Variants in SCN11A observed in about 807,000 individuals in gnomAD.
SCN11A encodes sodium channel protein type 11 subunit alpha.
A neutral mutation model predicts 162.2 loss-of-function variants in SCN11A; 122 were observed. The observed-to-expected ratio is 0.75, with a 90% CI of 0.65 to 0.87. SCN11A has a LOEUF of 0.87. Among genes scored for constraint, SCN11A ranks in the 40% least tolerant of loss-of-function variants. The pLI is 0.00. For missense variants in SCN11A, 2,015 were observed against 2,181.6 expected, an observed-to-expected ratio of 0.92 and a Z score of 1.52; for synonymous variants, 758 against 751.5, an observed-to-expected ratio of 1.01 and a Z score of -0.14.
chr3:38,956,424 C>T (rs985347971), intron 3 of SCN11A, among the ~76,000 whole-genome samples: 10 of 152,208 alleles, frequency 6.6e-5, no homozygotes, highest in African/African-American at 2.2e-4. Flanking sequence ...CAAAATAAGA[C>T]GTACTTCAAA....
intron 17 of SCN11A, 152 bp downstream of exon 17, chr3:38,899,742 A>T: frequency 1.6e-6 from 1 of 626,042 alleles, no homozygotes; most frequent in Non-Finnish European, 2.8e-6. Flanking sequence ...CAAGACTATT[A>T]AAGACCTGTG....
At chr3:38,981,822 T>C (rs959137945) in intron 2 of SCN11A, among the ~76,000 whole-genome samples, 1 of 151,662 alleles carries the variant, frequency 6.6e-6, no homozygotes, top group African/African-American at 2.4e-5. Flanking sequence ...CTGGCCAACA[T>C]AGCAAAATCC....
chr3:38,857,036 A>C (rs1281445522), intron 28 of SCN11A, among the ~76,000 whole-genome samples: 1 of 152,246 alleles, frequency 6.6e-6, no homozygotes, highest in Non-Finnish European at 1.5e-5. Flanking sequence ...ATTTTAAGTA[A>C]TAGTCTACCC....
At chr3:39,033,165 A>G (rs902284039) in intron 1 of SCN11A, among the ~76,000 whole-genome samples, 44 of 151,308 alleles carry the variant, frequency 2.9e-4, no homozygotes, top group Admixed American at 2.2e-3. Flanking sequence ...AAAAAAAAAA[A>G]AGAGAGAGAG....
At chr3:38,906,925 G>A (rs571007729) in intron 14 of SCN11A, among the ~76,000 whole-genome samples, 10 of 152,110 alleles carry the variant, frequency 6.6e-5, no homozygotes, top group East Asian at 5.9e-4. Context: ...ATGCATGAGC[G>A]TGCGTGCACG....
chr3:38,977,672 T>G (rs996022019), intron 2 of SCN11A, among the ~76,000 whole-genome samples: 4 of 152,322 alleles, frequency 2.6e-5, no homozygotes, highest in Admixed American at 6.5e-5. Flanking sequence ...CATTTCCCAC[T>G]GATACCCAAA....
intron 2 of SCN11A, among the ~76,000 whole-genome samples, chr3:38,985,984 TG>T (rs2030226329): frequency 6.6e-6 from 1 of 151,038 alleles, no homozygotes; most frequent in African/African-American, 2.5e-5. Flanking sequence ...TGGCCATTGG[TG>T]GGAAACTGCC....
chr3:38,905,075 A>C (rs538629508), intron 15 of SCN11A, 117 bp downstream of exon 15: 57 of 1,295,376 alleles, frequency 4.4e-5, no homozygotes, highest in Middle Eastern at 2.6e-4. Flanking sequence ...AGGATGGTAC[A>C]GTGGGTTGGT....
At chr3:39,048,338 C>A (rs1193925272) in intron 1 of SCN11A, among the ~76,000 whole-genome samples, 1 of 152,008 alleles carries the variant, frequency 6.6e-6, no homozygotes, top group Non-Finnish European at 1.5e-5. Flanking sequence ...AAGTAGAGAA[C>A]AGAATAGTGG....
chr3:39,017,916 T>C (rs753585488), intron 2 of SCN11A, among the ~76,000 whole-genome samples: 35 of 152,232 alleles, frequency 2.3e-4, no homozygotes, highest in Non-Finnish European at 4.3e-4. Flanking sequence ...TATAGTGAAA[T>C]TTACTTGTTA....
chr3:38,848,965 C>T lies in SCN11A; in HGVS notation c.4328-1223G>A, dbSNP rs562801004. 1.3e-4 allele frequency among the ~76,000 whole-genome samples: 20 copies of T among 152,268 alleles called. No homozygotes were observed. In the South Asian group the frequency reaches 4.2e-3, roughly 32 times the overall value. On this transcript the variant is annotated intron_variant, in intron 29 of 29. Transcript: ENST00000302328. ...TTGGCAAAGGCATATAAAACTCTGT[C>T]CACATTAGTAAGTAGGATTAATATA...
intron 9 of SCN11A, among the ~76,000 whole-genome samples, chr3:38,923,336 G>T (rs2066083923): frequency 6.6e-6 from 1 of 152,080 alleles, no homozygotes; most frequent in Admixed American, 6.5e-5. Context: ...ATAGACCCTT[G>T]ATTCCTGAAA....
chr3:38,987,629 C>G (rs1302248706), intron 2 of SCN11A, among the ~76,000 whole-genome samples: 1 of 152,184 alleles, frequency 6.6e-6, no homozygotes, highest in African/African-American at 2.4e-5. Flanking sequence ...AACTTCATCC[C>G]TGAGGCGACC....
chr3:38,856,714 G>GA (rs1435993224), intron 28 of SCN11A, among the ~76,000 whole-genome samples: 1 of 151,618 alleles, frequency 6.6e-6, no homozygotes, highest in Non-Finnish European at 1.5e-5. Flanking sequence ...AAAACACTGG[G>GA]AAAAAATAAA....
rs2032401540 is a variant in SCN11A, at chr3:39,051,922, T to C, written c.-465A>G. On this transcript the variant is annotated 5_prime_UTR_variant, in exon 1 of 30. Coordinates refer to ENST00000302328, the MANE Select transcript of SCN11A (RefSeq NM_001349253.2). ...GCACCGAGGAAACACAACAGCCTGT[T>C]TACCTTCAGCCCCGCCACTAACCCT... 7.0e-7 allele frequency: 1 copy of C among 1,432,738 alleles called. No individual in the cohort carries two copies. The highest frequency in any genetic ancestry group is 9.7e-7 in the Non-Finnish European group (1 of 1,025,736). The allele number at this position is 1,432,738 out of a possible 1,614,324, so 88.8% of individuals were successfully genotyped here.
At chr3:38,867,263 T>C in intron 27 of SCN11A, 58 bp downstream of exon 27, 1 of 1,496,328 alleles carries the variant, frequency 6.7e-7, no homozygotes, top group Non-Finnish European at 9.2e-7. Flanking sequence ...TTATGTTTTG[T>C]TAATGCATTT....
At chr3:38,929,407 G>A (rs2066203915) in intron 7 of SCN11A, among the ~76,000 whole-genome samples, 3 of 152,132 alleles carry the variant, frequency 2.0e-5, no homozygotes, top group African/African-American at 7.2e-5. Context: ...AGATTGAAAT[G>A]GGGAGTTGGT....
chr3:38,956,267 A>T (rs1194115358), intron 3 of SCN11A, among the ~76,000 whole-genome samples: 1 of 152,114 alleles, frequency 6.6e-6, no homozygotes, highest in East Asian at 1.9e-4. Flanking sequence ...AAAAACAAAC[A>T]AACAAAAAGA....
intron 9 of SCN11A, among the ~76,000 whole-genome samples, chr3:38,921,874 C>A (rs1383136466): frequency 6.6e-6 from 1 of 152,174 alleles, no homozygotes; most frequent in Non-Finnish European, 1.5e-5. Context: ...GCCAAAGTTA[C>A]AAAATAAATA....
Sources: allele counts gnomAD v4.1 joint callset (sites outside exome capture counted in the v4.1 genomes callset), GRCh38; gene constraint gnomAD v4.1.1; transcripts MANE v1.5; gene names NCBI Gene and HGNC (gene_info 2026-07-23, HGNC 2026-07-21).